LCLAT1: variants seen among roughly 807,000 people sequenced by gnomAD.
LCLAT1 encodes lysocardiolipin acyltransferase 1.
In LCLAT1, 11 loss-of-function variants were observed where a neutral mutation model predicts 30.7. The ratio of observed to expected loss-of-function variants is 0.36; its 90% CI spans 0.23 to 0.59. The LOEUF (loss-of-function observed/expected upper bound fraction) is 0.59, where lower values mean the gene tolerates loss of function less well. Among genes scored for constraint, LCLAT1 ranks in the 20% least tolerant of loss-of-function variants. LCLAT1 has a pLI of 0.77. For missense variants in LCLAT1, 402 were observed against 458.6 expected, an observed-to-expected ratio of 0.88 and a Z score of 1.13; for synonymous variants, 155 against 151.3, an observed-to-expected ratio of 1.02 and a Z score of -0.18.
intron 1 of LCLAT1, among the ~76,000 whole-genome samples, chr2:30,499,481 C>T (rs1684264988): frequency 6.6e-6 from 1 of 152,188 alleles, no homozygotes; most frequent in Non-Finnish European, 1.5e-5. Context: ...TGCGCCCAGC[C>T]TACTGCTGTG....
At chr2:30,497,633 A>G (rs1264283091) in intron 1 of LCLAT1, among the ~76,000 whole-genome samples, 1 of 152,082 alleles carries the variant, frequency 6.6e-6, no homozygotes, top group Non-Finnish European at 1.5e-5. Flanking sequence ...TAGATTTCTC[A>G]TTGTTGATTC....
At chr2:30,520,603 A>C (rs909823450) in intron 1 of LCLAT1, among the ~76,000 whole-genome samples, 1 of 152,216 alleles carries the variant, frequency 6.6e-6, no homozygotes, top group Non-Finnish European at 1.5e-5. Flanking sequence ...GAAAATACCT[A>C]CATTATGAGA....
chr2:30,615,021 C>G (rs1437131146), intron 5 of LCLAT1, among the ~76,000 whole-genome samples: 1 of 151,710 alleles, frequency 6.6e-6, no homozygotes, highest in Non-Finnish European at 1.5e-5. Context: ...GGCATGGGTT[C>G]GAGAGAGAAA....
chr2:30,564,288 T>C (rs1665376552), intron 4 of LCLAT1, among the ~76,000 whole-genome samples: 1 of 152,126 alleles, frequency 6.6e-6, no homozygotes, highest in African/African-American at 2.4e-5. Context: ...TGCGAAAATG[T>C]ACACCAAAGA....
At chr2:30,487,727 T>G (rs1558470195) in intron 1 of LCLAT1, among the ~76,000 whole-genome samples, 1 of 152,184 alleles carries the variant, frequency 6.6e-6, no homozygotes, top group Non-Finnish European at 1.5e-5. Flanking sequence ...TGTTGTAATT[T>G]AAGTTGTACA....
At chr2:30,501,172 G>A (rs1028142336) in intron 1 of LCLAT1, among the ~76,000 whole-genome samples, 8 of 150,640 alleles carry the variant, frequency 5.3e-5, no homozygotes, top group African/African-American at 1.9e-4. Context: ...TGGGCAAGAA[G>A]GTGAATTTGA....
intron 5 of LCLAT1, among the ~76,000 whole-genome samples, chr2:30,594,389 T>G (rs1024709898): frequency 1.3e-5 from 2 of 152,212 alleles, no homozygotes; most frequent in African/African-American, 4.8e-5. Flanking sequence ...CTCCAAGCAT[T>G]TATTCTACTT....
rs1345241420 is a variant in LCLAT1 at position 30,525,741 on chromosome 2, C to T, written c.151C>T (p.Leu51Phe). 1 of 1,614,036 alleles carries T rather than the reference C, an allele frequency of 6.2e-7. No homozygotes were observed. Among genetic ancestry groups the T allele is most frequent in the Non-Finnish European group, 8.5e-7 (1 of 1,179,986 alleles). ...CAACAACCGCCTTGTGGCAACATGG[C>T]TCACCCTACCTGTGGTAAGTTACAC... is the stretch of plus-strand genomic sequence containing the variant. The part of the protein sequence containing the change: ...WINNRLVATW[L>F]TLPVALLETM... Residue 51 changes from leucine (L) to phenylalanine (F), a missense_variant, in exon 2 of 6, where the codon CTC (leucine) becomes TTC (phenylalanine). Coordinates refer to ENST00000379509, the MANE Select transcript of LCLAT1 (RefSeq NM_001002257.3).
chr2:30,523,204 G>C (rs1381040553), intron 1 of LCLAT1, among the ~76,000 whole-genome samples: 2 of 151,640 alleles, frequency 1.3e-5, no homozygotes, highest in African/African-American at 4.8e-5. Flanking sequence ...TGCAGGACTG[G>C]GGGGCGGGGT....
intron 3 of LCLAT1, among the ~76,000 whole-genome samples, chr2:30,552,178 A>G (rs960494304): frequency 1.8e-4 from 27 of 152,244 alleles, no homozygotes; most frequent in African/African-American, 6.5e-4. Context: ...ATAATAGCTC[A>G]TTTAGAAAAT....
intron 5 of LCLAT1, chr2:30,607,678 T>G (rs1434375517): frequency 6.6e-6 from 1 of 152,138 alleles, no homozygotes; most frequent in East Asian, 1.9e-4. Flanking sequence ...GTAAAAGCAG[T>G]AAAACAGCCC....
chr2:30,461,615 A>G (rs1211582110), intron 1 of LCLAT1, among the ~76,000 whole-genome samples: 2 of 151,944 alleles, frequency 1.3e-5, no homozygotes, highest in African/African-American at 2.4e-5. Context: ...TAACTTGCCC[A>G]TTGTCACAGA....
intron 1 of LCLAT1, among the ~76,000 whole-genome samples, chr2:30,496,807 A>T (rs1027006188): frequency 6.6e-6 from 1 of 152,168 alleles, no homozygotes; most frequent in Non-Finnish European, 1.5e-5. Context: ...GGGATGCGGG[A>T]TACCATATAC....
chr2:30,478,159 G>T (rs900257446), intron 1 of LCLAT1, among the ~76,000 whole-genome samples: 2 of 151,868 alleles, frequency 1.3e-5, no homozygotes, highest in Non-Finnish European at 2.9e-5. Context: ...CGAGATTGGG[G>T]TGTTAGGAGA....
intron 1 of LCLAT1, among the ~76,000 whole-genome samples, chr2:30,453,176 C>G (rs140785521): frequency 6.6e-6 from 1 of 151,992 alleles, no homozygotes; most frequent in Non-Finnish European, 1.5e-5. Context: ...ACTCATGGAG[C>G]GGGGGATAGC....
intron 4 of LCLAT1, among the ~76,000 whole-genome samples, chr2:30,566,210 T>C (rs1181822558): frequency 6.6e-6 from 1 of 152,218 alleles, no homozygotes; most frequent in African/African-American, 2.4e-5. Context: ...CTGTTTGTTT[T>C]AGAGCTGTTT....
chr2:30,539,811 T>C (rs947517687), intron 3 of LCLAT1, among the ~76,000 whole-genome samples: 3 of 152,198 alleles, frequency 2.0e-5, no homozygotes, highest in African/African-American at 7.2e-5. Context: ...AGGGACTTTA[T>C]ATACATTATC....
intron 5 of LCLAT1, among the ~76,000 whole-genome samples, chr2:30,592,243 G>A (rs919288290): frequency 2.6e-5 from 4 of 152,192 alleles, no homozygotes; most frequent in Non-Finnish European, 4.4e-5. Flanking sequence ...TCACTTGATA[G>A]GAAAGCATTA....
chr2:30,452,751 C>G (rs1681622859), intron 1 of LCLAT1, among the ~76,000 whole-genome samples: 1 of 152,100 alleles, frequency 6.6e-6, no homozygotes, highest in Admixed American at 6.6e-5. Flanking sequence ...TGCTGTAATT[C>G]CTTTGGCTGC....
Sources: allele counts gnomAD v4.1 joint callset (sites outside exome capture counted in the v4.1 genomes callset), GRCh38; gene constraint gnomAD v4.1.1; transcripts MANE v1.5; gene names NCBI Gene and HGNC (gene_info 2026-07-23, HGNC 2026-07-21).